The following ACVR1B variants were observed in gnomAD, a reference collection of about 807,000 sequenced individuals.
The protein encoded by ACVR1B is activin receptor type-1B.
ACVR1B carries 15 observed loss-of-function variants against 55.6 expected under a neutral mutation model. That is an observed-to-expected ratio of 0.27 (90% CI 0.18 to 0.42). The LOEUF is 0.42. Ranked by LOEUF, ACVR1B falls within the 10% of genes least tolerant of loss-of-function variation. ACVR1B has a pLI of 1.00. For synonymous variants in ACVR1B, 247 were observed against 254.6 expected, an observed-to-expected ratio of 0.97 and a Z score of 0.28; for missense variants, 359 against 670.1, an observed-to-expected ratio of 0.54 and a Z score of 5.13.
At chr12:51,984,752 C>T (rs776079810) in intron 5 of ACVR1B, among the ~76,000 whole-genome samples, 15 of 152,304 alleles carry the variant, frequency 9.8e-5, no homozygotes, top group Admixed American at 5.9e-4. Flanking sequence ...GAAAATCACC[C>T]GTGAAAGTTG....
chr12:51,990,828 C>T (rs1449894543), intron 7 of ACVR1B, among the ~76,000 whole-genome samples: 1 of 152,106 alleles, frequency 6.6e-6, no homozygotes, highest in Non-Finnish European at 1.5e-5. Flanking sequence ...GTAGAATTTC[C>T]CAGGCTAGAT....
chr12:51,953,567 T>A, intron 1 of ACVR1B: 1 of 979,396 alleles, frequency 1.0e-6, no homozygotes, highest in Non-Finnish European at 1.2e-6. Flanking sequence ...TTTTGGAATG[T>A]GTAACATAAT....
intron 6 of ACVR1B, among the ~76,000 whole-genome samples, chr12:51,985,897 T>C (rs1198455314): frequency 6.6e-6 from 1 of 152,146 alleles, no homozygotes; most frequent in East Asian, 1.9e-4. Context: ...GGACTGCCTT[T>C]TAATAGAGTG....
At chr12:51,963,588 A>T (rs996135889) in intron 1 of ACVR1B, among the ~76,000 whole-genome samples, 1 of 152,212 alleles carries the variant, frequency 6.6e-6, no homozygotes, top group African/African-American at 2.4e-5. Flanking sequence ...CATGTAATAT[A>T]ATGTTTTTGA....
chr12:51,984,289 T>G (rs1169472841), intron 5 of ACVR1B, 123 bp downstream of exon 5: 5 of 1,185,064 alleles, frequency 4.2e-6, no homozygotes, highest in African/African-American at 1.5e-5. Flanking sequence ...GAACTCTAGT[T>G]TAATTTAAAG....
At chr12:51,982,734 C>G (rs779924865) in intron 4 of ACVR1B, 88 of 1,534,302 alleles carry the variant, frequency 5.7e-5, no homozygotes, top group Non-Finnish European at 7.6e-5. Context: ...ATGGTCTCTG[C>G]TGCCCCCAAG....
rs758229787 is a variant in ACVR1B at position 51,985,272 on chromosome 12, C to G, written c.1060C>G (p.Leu354Val). Residue 354 changes from leucine (L) to valine (V), a missense_variant, in exon 6 of 9, where the codon CTG becomes GTG. This residue lies in a region of ACVR1B where 119 missense variants were observed against 340.2 expected (regional missense o/e 0.35). Coordinates refer to ENST00000257963, the MANE Select transcript of ACVR1B (RefSeq NM_004302.5). ...AAATGGCATGTGTGCCATAGCAGAC[C>G]TGGGCCTGGCTGTCCGTCATGATGC... ...KKNGMCAIADLGLAVRHDAVT... is the reference protein window; with the variant it reads ...KKNGMCAIADVGLAVRHDAVT... 1 of 1,613,974 alleles carries G rather than the reference C, an allele frequency of 6.2e-7. No homozygotes were observed. Among genetic ancestry groups the G allele is most frequent in the Non-Finnish European group, 8.5e-7 (1 of 1,179,962 alleles).
intron 1 of ACVR1B, among the ~76,000 whole-genome samples, chr12:51,961,515 T>C (rs1941526689): frequency 6.6e-6 from 1 of 152,228 alleles, no homozygotes; most frequent in Admixed American, 6.5e-5. Flanking sequence ...ACCCATTTTA[T>C]TCCAGCCAAA....
chr12:51,952,662 C>T (rs1197143172), intron 1 of ACVR1B, among the ~76,000 whole-genome samples: 2 of 152,162 alleles, frequency 1.3e-5, no homozygotes, highest in Non-Finnish European at 2.9e-5. Context: ...CCGGGGGGCC[C>T]ATTCAGTTAA....
intron 1 of ACVR1B, among the ~76,000 whole-genome samples, chr12:51,956,218 C>T (rs1375234419): frequency 5.3e-5 from 8 of 152,148 alleles, no homozygotes; most frequent in Non-Finnish European, 1.5e-5. Context: ...TAGTGTCCAC[C>T]CAGTCTTAAG....
chr12:51,979,733 T>C (rs1424168900), intron 3 of ACVR1B, among the ~76,000 whole-genome samples: 1 of 152,124 alleles, frequency 6.6e-6, no homozygotes, highest in African/African-American at 2.4e-5. Context: ...CTACTGAAAG[T>C]TTCCATGTGG....
chr12:51,961,425 G>A (rs117703817), intron 1 of ACVR1B, among the ~76,000 whole-genome samples: 7 of 152,134 alleles, frequency 4.6e-5, no homozygotes, highest in South Asian at 2.1e-4. Flanking sequence ...AAAAAATGCC[G>A]CAAACATTTG....
At position 51,996,709 on chromosome 12, in the gene ACVR1B, T is replaced by C. The variant is rs1942303879; in HGVS notation, c.*2599T>C. 1 of 152,516 alleles carries C rather than the reference T, an allele frequency of 6.6e-6. No homozygotes were observed. The highest frequency in any genetic ancestry group is 6.5e-5 in the Admixed American group (1 of 15,272). 9.4% of individuals were successfully genotyped at this position (152,516 alleles called of 1,614,324 possible). A position where few individuals can be genotyped will look rare whatever the true frequency, so the allele number is the denominator to read the frequency against. On this transcript the variant is annotated 3_prime_UTR_variant, in exon 9 of 9. Transcript: ENST00000257963. ...CCTCTGGGGAAGATGGAGCAGGTCT[T>C]TGGGAAGCTCCCACACCCACCTCTG...
intron 4 of ACVR1B, among the ~76,000 whole-genome samples, chr12:51,982,281 G>A (rs1430069110): frequency 6.6e-6 from 1 of 152,208 alleles, no homozygotes; most frequent in Non-Finnish European, 1.5e-5. Flanking sequence ...AACTTGGATG[G>A]CTGTGGGTGG....
chr12:51,955,033 C>G (rs1279906697), intron 1 of ACVR1B, among the ~76,000 whole-genome samples: 1 of 152,186 alleles, frequency 6.6e-6, no homozygotes, highest in Non-Finnish European at 1.5e-5. Flanking sequence ...AGGCAGCATA[C>G]CTGTGCTAAT....
intron 7 of ACVR1B, among the ~76,000 whole-genome samples, chr12:51,989,603 C>CT (rs1464897843): frequency 6.6e-6 from 1 of 152,114 alleles, no homozygotes; most frequent in Non-Finnish European, 1.5e-5. Context: ...CTTTTTAAAA[C>CT]TATCTTTTTA....
intron 1 of ACVR1B, among the ~76,000 whole-genome samples, chr12:51,953,893 C>G (rs1337651865): frequency 6.6e-6 from 1 of 152,038 alleles, no homozygotes; most frequent in Non-Finnish European, 1.5e-5. Context: ...GAGTTCGTTT[C>G]TTTTTTTGGT....
intron 1 of ACVR1B, among the ~76,000 whole-genome samples, chr12:51,955,454 A>C (rs1941389055): frequency 6.6e-6 from 1 of 152,224 alleles, no homozygotes; most frequent in Non-Finnish European, 1.5e-5. Context: ...ATTTTGGAAC[A>C]TGAGTTGAAT....
chr12:51,994,441 TG>T lies in ACVR1B; in HGVS notation c.*334del. On this transcript the variant is annotated 3_prime_UTR_variant, in exon 9 of 9. Transcript: ENST00000257963. This position sits in a 1 kb window ranked among gnomAD's most constrained non-coding sequence, Gnocchi z 4.2. Reference sequence around the variant, plus strand: ...GGCCAGGAGCCATGACAGGGGCGCTTGGGAGGGGCCGGAGGAACCGAGGTGT... The same window carrying T: ...GGCCAGGAGCCATGACAGGGGCGCTTGGAGGGGCCGGAGGAACCGAGGTGT... The T allele has an allele frequency of 3.2e-6, 1 of 309,064 alleles. No individual in the cohort carries two copies. Among genetic ancestry groups the T allele is most frequent in the Non-Finnish European group, 6.2e-6 (1 of 162,468 alleles). 19.1% of individuals were successfully genotyped at this position (309,064 alleles called of 1,614,324 possible). A position where few individuals can be genotyped will look rare whatever the true frequency, so the allele number is the denominator to read the frequency against.
Sources: gnomAD v4.1 joint callset for allele counts (sites outside exome capture counted in the v4.1 genomes callset) on GRCh38, gnomAD v4.1.1 for gene constraint, gnomAD v4.1.1 regional missense constraint, Gnocchi (gnomAD v3.1) non-coding constraint, MANE v1.5 for transcripts, NCBI Gene and HGNC (gene_info 2026-07-23, HGNC 2026-07-21) for gene names.